The following ZCCHC14 variants were observed in gnomAD, a reference collection of about 807,000 sequenced individuals.
ZCCHC14 encodes the protein zinc finger CCHC domain-containing protein 14.
ZCCHC14 carries 16 observed loss-of-function variants against 85.0 expected under a neutral mutation model. The ratio of observed to expected loss-of-function variants is 0.19; its 90% confidence interval spans 0.13 to 0.29. ZCCHC14 has a LOEUF of 0.29. ZCCHC14 is among the 10% of genes least tolerant of loss of function. ZCCHC14 has a pLI of 1.00. For missense variants in ZCCHC14, 1,303 were observed against 1,443.5 expected (o/e 0.90, Z 1.58); for synonymous variants, 775 against 630.7 (o/e 1.23, Z -3.43).
intron 2 of ZCCHC14, among the ~76,000 whole-genome samples, chr16:87,454,756 G>A (rs1032912479): frequency 1.3e-5 from 2 of 152,208 alleles, no homozygotes; most frequent in African/African-American, 4.8e-5. Context: ...TCTTAGAATA[G>A]ATGCAAAAAT....
At chr16:87,438,071 G>A (rs2150741989) in intron 2 of ZCCHC14, among the ~76,000 whole-genome samples, 1 of 152,390 alleles carries the variant, frequency 6.6e-6, no homozygotes, top group South Asian at 2.1e-4. Flanking sequence ...CACCTATGGA[G>A]AAAATGAGGA....
intron 2 of ZCCHC14, among the ~76,000 whole-genome samples, chr16:87,445,124 C>T (rs534171077): frequency 3.3e-5 from 5 of 150,530 alleles, no homozygotes; most frequent in African/African-American, 9.8e-5. Flanking sequence ...TGGAGTGCAG[C>T]GGTGTGATAT....
chr16:87,462,826 T>C (rs144313418), intron 1 of ZCCHC14, among the ~76,000 whole-genome samples: 2,540 of 151,806 alleles, frequency 0.017, 24 homozygotes, highest in Middle Eastern at 0.048. Context: ...TCCCAGCACT[T>C]TGGGAGGCCG....
chr16:87,417,833 C>G (rs1908875836), intron 7 of ZCCHC14, 91 bp from the exon 8 acceptor site: 3 of 1,412,420 alleles, frequency 2.1e-6, no homozygotes, highest in Admixed American at 5.5e-5. Flanking sequence ...CCTTTCTGTG[C>G]CAGCCTCTGC....
In ZCCHC14 at chr16:87,412,144, C is replaced by A. The variant is rs751348189; in HGVS notation, c.2577G>T (p.Thr859=). The stretch of plus-strand genomic sequence containing the variant: ...AGCTGGGGGCTGGGCAGCTGGGCAA[C>A]GTGGCCATGTTGGCAAAGGACGTGG... ...HPSTSFANMA[T]LPSCPAPSSS... is the part of the protein sequence containing the mutation. The change falls in exon 12 of 13, where the codon ACG becomes ACT. Residue 859 remains threonine (T), a synonymous_variant. Transcript: ENST00000671377. 6.2e-7 allele frequency: 1 copy of A among 1,613,860 alleles called. No individual in the cohort carries two copies. Among genetic ancestry groups the A allele is most frequent in the Non-Finnish European group, 8.5e-7 (1 of 1,180,028 alleles).
Position 87,412,532 on chromosome 16 carries a change from C to T in ZCCHC14, c.2189G>A (p.Arg730Gln), listed in dbSNP as rs961896964. 9 of 1,613,884 alleles carry T rather than the reference C, an allele frequency of 5.6e-6. No homozygotes were observed. The highest frequency in any genetic ancestry group is 1.1e-5 in the South Asian group (1 of 91,086). The change falls in exon 12 of 13, where the codon CGG becomes CAG. Residue 730 changes from arginine (R) to glutamine (Q), a missense_variant. This residue lies in a region of ZCCHC14 where 797 missense variants were observed against 730.8 expected (regional missense o/e 1.09). Coordinates refer to ENST00000671377, the MANE Select transcript of ZCCHC14 (RefSeq NM_015144.3). ...CGTGGATGCATGCACGACTTTGGTCCGGGGACCAAAGGAGACTGTGGGTGA... is the reference window on the plus strand; with the variant it reads ...CGTGGATGCATGCACGACTTTGGTCTGGGGACCAAAGGAGACTGTGGGTGA... ...SMSPTVSFGP[R>Q]TKVVHASTLD...
At chr16:87,442,450 C>G (rs1910231696) in intron 2 of ZCCHC14, among the ~76,000 whole-genome samples, 1 of 152,160 alleles carries the variant, frequency 6.6e-6, no homozygotes, top group African/African-American at 2.4e-5. Flanking sequence ...CTAGAACTAC[C>G]AAAGACACAG....
intron 1 of ZCCHC14, chr16:87,467,345 C>A: frequency 6.3e-7 from 1 of 1,595,114 alleles, no homozygotes; most frequent in Non-Finnish European, 8.6e-7. Context: ...AAGATTTCAT[C>A]CAACTCTGCA....
At chr16:87,446,481 C>A (rs1260601525) in intron 2 of ZCCHC14, among the ~76,000 whole-genome samples, 4 of 46,696 alleles carry the variant, frequency 8.6e-5, no homozygotes, top group Non-Finnish European at 2.1e-4. Context: ...GAGACTCCAT[C>A]TCAAAAAAAA....
At chr16:87,486,865 G>A (rs1165062927) in intron 1 of ZCCHC14, among the ~76,000 whole-genome samples, 1 of 152,174 alleles carries the variant, frequency 6.6e-6, no homozygotes, top group Admixed American at 6.5e-5. Context: ...GTGCTTTTAG[G>A]TCACAGCTAT....
At chr16:87,447,517 T>C (rs2150749042) in intron 2 of ZCCHC14, among the ~76,000 whole-genome samples, 1 of 152,208 alleles carries the variant, frequency 6.6e-6, no homozygotes, top group East Asian at 1.9e-4. Flanking sequence ...ATTTTTGAGA[T>C]TCCGATGTGG....
At chr16:87,450,436 G>C (rs1910641536) in intron 2 of ZCCHC14, among the ~76,000 whole-genome samples, 1 of 152,104 alleles carries the variant, frequency 6.6e-6, no homozygotes, top group Non-Finnish European at 1.5e-5. Flanking sequence ...TTATACTTAA[G>C]AACATGATAT....
chr16:87,462,729 C>G (rs1911327627), intron 1 of ZCCHC14, among the ~76,000 whole-genome samples: 1 of 127,834 alleles, frequency 7.8e-6, no homozygotes, highest in Non-Finnish European at 1.6e-5. Context: ...GACAGAGACT[C>G]TATCTCACAA....
chr16:87,441,472 T>C (rs983923648), intron 2 of ZCCHC14, among the ~76,000 whole-genome samples: 2 of 152,210 alleles, frequency 1.3e-5, no homozygotes, highest in Non-Finnish European at 2.9e-5. Flanking sequence ...CCCATTCATA[T>C]TTATTGTTTA....
At chr16:87,466,637 AG>A (rs1250421274) in intron 1 of ZCCHC14, among the ~76,000 whole-genome samples, 2 of 152,250 alleles carry the variant, frequency 1.3e-5, no homozygotes, top group African/African-American at 4.8e-5. Flanking sequence ...TGTGGGTCTC[AG>A]CTCACTTCAC....
At chr16:87,447,823 G>A (rs146534338) in intron 2 of ZCCHC14, among the ~76,000 whole-genome samples, 2 of 152,268 alleles carry the variant, frequency 1.3e-5, no homozygotes, top group African/African-American at 4.8e-5. Context: ...CATCAGCTGC[G>A]GATGAAAGCT....
At chr16:87,436,747 G>C (rs1260316970) in intron 2 of ZCCHC14, among the ~76,000 whole-genome samples, 2 of 152,072 alleles carry the variant, frequency 1.3e-5, no homozygotes, top group African/African-American at 2.4e-5. Context: ...AAAAAGCCTC[G>C]GATATTAACT....
At chr16:87,488,717 A>G (rs972608036) in intron 1 of ZCCHC14, among the ~76,000 whole-genome samples, 93 of 152,290 alleles carry the variant, frequency 6.1e-4, no homozygotes, top group Non-Finnish European at 1.5e-4. Context: ...AGCAGGGACT[A>G]CAAGTGTGTG....
In ZCCHC14 at chr16:87,448,799, T is replaced by C. The variant is rs548848561; in HGVS notation, c.694+11209A>G. On this transcript the variant is annotated intron_variant, in intron 2 of 12. Transcript: ENST00000671377. ...ATCAAAAAGATCAGCCTCTGTTCTC[T>C]GACTTGTCTGTGTACTTTGCAGTAG... is the stretch of plus-strand genomic sequence containing the variant. Among the ~76,000 whole-genome samples the C allele has an allele frequency of 3.8e-4, 58 of 152,386 alleles. 1 individual carries two copies. The South Asian group carries it at 0.012, about 32-fold the overall frequency.
Sources: gnomAD v4.1 joint callset for allele counts (sites outside exome capture counted in the v4.1 genomes callset) on GRCh38, gnomAD v4.1.1 for gene constraint, gnomAD v4.1.1 regional missense constraint, MANE v1.5 for transcripts, NCBI Gene and HGNC (gene_info 2026-07-23, HGNC 2026-07-21) for gene names.